The following SPATA31H1 variants were observed in gnomAD, a reference collection of about 807,000 sequenced individuals.
The protein encoded by SPATA31H1 is SPATA31 subfamily H member 1.
At chr2:27,539,304 G>A in the SPATA31H1 span, among the ~76,000 whole-genome samples, 1 of 148,924 alleles carries the variant, frequency 6.7e-6, no homozygotes, top group Non-Finnish European at 1.5e-5. Context: ...TAAGATTAGG[G>A]AGTGGTGATG....
the SPATA31H1 span, among the ~76,000 whole-genome samples, chr2:27,562,163 G>C: frequency 1.3e-5 from 2 of 152,098 alleles, no homozygotes; most frequent in South Asian, 4.1e-4. Context: ...ATGTATCTTA[G>C]TGTTTGGTAC....
the SPATA31H1 span, chr2:27,577,843 C>CA: frequency 6.2e-7 from 1 of 1,614,090 alleles, no homozygotes; most frequent in Non-Finnish European, 8.5e-7. This position sits in a 1 kb window ranked among gnomAD's most constrained non-coding sequence, Gnocchi z 4.5. Flanking sequence ...CTGAAGCAAA[C>CA]AAGTCAAGTT....
chr2:27,579,663 G>A, the SPATA31H1 span: 1 of 1,614,030 alleles, frequency 6.2e-7, no homozygotes, highest in Non-Finnish European at 8.5e-7. Flanking sequence ...GGTAAAGTCA[G>A]AGTCTTCCCT....
the SPATA31H1 span, among the ~76,000 whole-genome samples, chr2:27,545,651 C>A: frequency 1.3e-5 from 2 of 149,812 alleles, no homozygotes; most frequent in African/African-American, 5.0e-5. Context: ...TCTTGGTTCA[C>A]GCAACCTCTG....
At chr2:27,574,107 A>C in the SPATA31H1 span, 1 of 398,562 alleles carries the variant, frequency 2.5e-6, no homozygotes, top group African/African-American at 2.1e-5. Flanking sequence ...TACAGACTTC[A>C]AACCTGGGCC....
At chr2:27,571,485 T>C in the SPATA31H1 span, 1 of 398,336 alleles carries the variant, frequency 2.5e-6, no homozygotes, top group Non-Finnish European at 4.4e-6. Flanking sequence ...GACTCCATGT[T>C]CAAGAATTCA....
chr2:27,566,984 A>G, the SPATA31H1 span: 3 of 717,620 alleles, frequency 4.2e-6, no homozygotes, highest in East Asian at 5.4e-5. Context: ...ACAAAAAGCA[A>G]TCCTCTGTGT....
the SPATA31H1 span, among the ~76,000 whole-genome samples, chr2:27,564,289 C>T: frequency 6.6e-6 from 1 of 152,118 alleles, no homozygotes; most frequent in African/African-American, 2.4e-5. Context: ...ACATGTAGCA[C>T]TTTTGAGAAT....
At chr2:27,570,672 G>C in the SPATA31H1 span, 1 of 398,802 alleles carries the variant, frequency 2.5e-6, no homozygotes, top group African/African-American at 2.1e-5. Context: ...GCTACAATGT[G>C]TAAAAGTTTT....
chr2:27,579,487 G>T, the SPATA31H1 span: 1 of 1,614,180 alleles, frequency 6.2e-7, no homozygotes. Flanking sequence ...CATAAGAAAA[G>T]AATGGCCTTA....
chr2:27,576,502 C>A, the SPATA31H1 span: 1 of 1,215,136 alleles, frequency 8.2e-7, no homozygotes, highest in Non-Finnish European at 1.2e-6. Flanking sequence ...GGGTTGACAT[C>A]ATGCTTTGGG....
chr2:27,559,876 C>CT, the SPATA31H1 span, among the ~76,000 whole-genome samples: 7 of 149,034 alleles, frequency 4.7e-5, no homozygotes, highest in Admixed American at 6.7e-5. Context: ...TTTCTTTTTT[C>CT]TTTTTTTTTG....
the SPATA31H1 span, among the ~76,000 whole-genome samples, chr2:27,549,011 T>C: frequency 2.7e-5 from 4 of 148,628 alleles, no homozygotes; most frequent in Admixed American, 2.7e-4. Flanking sequence ...GAGGCGGAAG[T>C]TGCATGAGCT....
chr2:27,569,471 G>A, the SPATA31H1 span: 1 of 398,906 alleles, frequency 2.5e-6, no homozygotes, highest in Non-Finnish European at 4.4e-6. Flanking sequence ...AGAAATCAGA[G>A]CCACTACTGC....
the SPATA31H1 span, chr2:27,566,284 T>C: frequency 1.4e-6 from 1 of 717,314 alleles, no homozygotes; most frequent in Admixed American, 2.0e-5. Context: ...CACTGTTGCA[T>C]CCAGTGTTTC....
At chr2:27,574,580 G>A in the SPATA31H1 span, 1 of 398,426 alleles carries the variant, frequency 2.5e-6, no homozygotes, top group South Asian at 1.3e-4. Flanking sequence ...CAGGGACAAG[G>A]CTTCAAAGTA....
chr2:27,578,810 A>G, the SPATA31H1 span: 1 of 1,614,204 alleles, frequency 6.2e-7, no homozygotes, highest in Non-Finnish European at 8.5e-7. Flanking sequence ...CTGTCAGAAC[A>G]GCATCTGAAT....
the SPATA31H1 span, among the ~76,000 whole-genome samples, chr2:27,550,411 A>T: frequency 9.3e-4 from 88 of 94,578 alleles, no homozygotes; most frequent in African/African-American, 3.6e-3. Flanking sequence ...TGGGTGTTAA[A>T]TTTTTTTTTT....
the SPATA31H1 span, chr2:27,568,706 C>T: frequency 2.8e-5 from 11 of 398,762 alleles, no homozygotes; most frequent in Middle Eastern, 1.2e-3. Context: ...CATGGTTACA[C>T]GATGTCAGAT....
Sources: gnomAD v4.1 joint callset for allele counts (sites outside exome capture counted in the v4.1 genomes callset) on GRCh38, gnomAD v4.1.1 for gene constraint, Gnocchi (gnomAD v3.1) non-coding constraint, MANE v1.5 for transcripts, NCBI Gene and HGNC (gene_info 2026-07-23, HGNC 2026-07-21) for gene names.